The following ST6GALNAC3 variants were observed in gnomAD, a reference collection of about 807,000 sequenced individuals.
ST6GALNAC3 encodes alpha-N-acetylgalactosaminide alpha-2,6-sialyltransferase 3.
Under a neutral mutation model 32.7 loss-of-function variants are expected in ST6GALNAC3, and 25 were observed. That is an observed-to-expected ratio of 0.76 (90% CI 0.56 to 1.07). The LOEUF is 1.07. ST6GALNAC3 is among the 50% of genes least tolerant of loss of function. The pLI, the probability that ST6GALNAC3 is intolerant of heterozygous loss-of-function variation, is 0.00. For missense variants in ST6GALNAC3, 355 were observed against 382.4 expected (o/e 0.93, Z 0.60); for synonymous variants, 129 against 133.1 (o/e 0.97, Z 0.21).
intron 3 of ST6GALNAC3, 103 bp downstream of exon 3, chr1:76,412,520 G>T: frequency 1.6e-6 from 2 of 1,220,736 alleles, no homozygotes; most frequent in African/African-American, 1.5e-5. Context: ...ATTTATTTAC[G>T]CTGATTGTTA....
intron 3 of ST6GALNAC3, among the ~76,000 whole-genome samples, chr1:76,558,445 T>C (rs1264385439): frequency 6.6e-6 from 1 of 152,162 alleles, no homozygotes; most frequent in Admixed American, 6.6e-5. Context: ...TGCAGCAACA[T>C]GGATGCAGCT....
intron 1 of ST6GALNAC3, among the ~76,000 whole-genome samples, chr1:76,300,732 A>G (rs1015910262): frequency 6.6e-6 from 1 of 152,058 alleles, no homozygotes; most frequent in African/African-American, 2.4e-5. Flanking sequence ...AAGGTGGGAT[A>G]TGGTTTGCTG....
At chr1:76,172,470 A>G (rs1369194633) in intron 1 of ST6GALNAC3, among the ~76,000 whole-genome samples, 2 of 152,172 alleles carry the variant, frequency 1.3e-5, no homozygotes, top group Non-Finnish European at 2.9e-5. Flanking sequence ...TCACCATAGT[A>G]TTGGAAGTTC....
At chr1:76,438,118 A>G (rs1022619218) in intron 3 of ST6GALNAC3, among the ~76,000 whole-genome samples, 2 of 151,878 alleles carry the variant, frequency 1.3e-5, no homozygotes, top group African/African-American at 4.8e-5. Context: ...CATTTTTTAA[A>G]TGAAATGAGA....
chr1:76,182,547 G>T (rs1181628821), intron 1 of ST6GALNAC3, among the ~76,000 whole-genome samples: 1 of 152,078 alleles, frequency 6.6e-6, no homozygotes, highest in Non-Finnish European at 1.5e-5. Flanking sequence ...GTTGTGGGGG[G>T]TATCCTCTGG....
chr1:76,286,596 TG>T (rs1175968467), intron 1 of ST6GALNAC3, among the ~76,000 whole-genome samples: 5 of 152,256 alleles, frequency 3.3e-5, no homozygotes, highest in African/African-American at 4.8e-5. Flanking sequence ...CCCTTGACCT[TG>T]GGCAACCTTC....
intron 2 of ST6GALNAC3, among the ~76,000 whole-genome samples, chr1:76,318,072 T>TA (rs905321988): frequency 1.5e-4 from 23 of 151,826 alleles, no homozygotes; most frequent in Non-Finnish European, 4.4e-5. Context: ...CTGTTTTTTT[T>TA]AAAAAAAATA....
At chr1:76,092,500 C>T (rs992172903) in intron 1 of ST6GALNAC3, among the ~76,000 whole-genome samples, 1 of 152,036 alleles carries the variant, frequency 6.6e-6, no homozygotes, top group Non-Finnish European at 1.5e-5. Context: ...ATGGGAGTTT[C>T]TAATCTAATC....
rs75917984 is a variant in ST6GALNAC3 at position 76,148,514 on chromosome 1, T to G, written c.18+73630T>G. Among the ~76,000 whole-genome samples the G allele has an allele frequency of 5.7e-4, 87 of 152,344 alleles. 3 individuals carry two copies. The East Asian group carries it at 0.016, about 28-fold the overall frequency. On this transcript the variant is annotated intron_variant, in intron 1 of 4. Transcript: ENST00000328299. ...GATATCTTTATTTATTTTTCTTTAT[T>G]ATTTGCTTCCTCTCCCTTCCCTCCA...
chr1:76,322,910 G>A (rs560392139), intron 2 of ST6GALNAC3, among the ~76,000 whole-genome samples: 2 of 152,036 alleles, frequency 1.3e-5, no homozygotes, highest in African/African-American at 2.4e-5. Flanking sequence ...GCACGATCTC[G>A]GCTCACTGCA....
intron 1 of ST6GALNAC3, among the ~76,000 whole-genome samples, chr1:76,225,092 T>C (rs1655992148): frequency 6.6e-6 from 1 of 152,094 alleles, no homozygotes; most frequent in South Asian, 2.1e-4. Context: ...CTTTTTTTTT[T>C]CTGTCCACTG....
chr1:76,245,849 A>C (rs1179248747), intron 1 of ST6GALNAC3, among the ~76,000 whole-genome samples: 1 of 152,180 alleles, frequency 6.6e-6, no homozygotes, highest in African/African-American at 2.4e-5. Flanking sequence ...TTTTAGAATA[A>C]GTGCCATGTG....
intron 3 of ST6GALNAC3, among the ~76,000 whole-genome samples, chr1:76,522,597 CTT>C (rs1292443374): frequency 1.3e-5 from 2 of 152,148 alleles, no homozygotes; most frequent in African/African-American, 4.8e-5. Flanking sequence ...AGACATAACA[CTT>C]TTTATTTCTA....
At chr1:76,515,851 A>ATT (rs1420576634) in intron 3 of ST6GALNAC3, among the ~76,000 whole-genome samples, 2 of 152,008 alleles carry the variant, frequency 1.3e-5, no homozygotes, top group Admixed American at 1.3e-4. Flanking sequence ...TGGATGTTCT[A>ATT]TTTTCAGTTG....
intron 3 of ST6GALNAC3, among the ~76,000 whole-genome samples, chr1:76,582,329 A>G (rs538289880): frequency 1.3e-5 from 2 of 152,280 alleles, no homozygotes; most frequent in Admixed American, 1.3e-4. Context: ...TGGATTTATA[A>G]CAACTTGGTG....
At chr1:76,564,993 C>A (rs1447793456) in intron 3 of ST6GALNAC3, among the ~76,000 whole-genome samples, 1 of 152,162 alleles carries the variant, frequency 6.6e-6, no homozygotes, top group Non-Finnish European at 1.5e-5. Flanking sequence ...TGCTCCCCTG[C>A]AAGAAAATTC....
intron 3 of ST6GALNAC3, among the ~76,000 whole-genome samples, chr1:76,583,013 A>C (rs1474577604): frequency 6.6e-6 from 1 of 152,210 alleles, no homozygotes; most frequent in Non-Finnish European, 1.5e-5. Context: ...CAAAAGAATT[A>C]TCTATAGAAC....
chr1:76,513,127 T>G (rs1661971043), intron 3 of ST6GALNAC3, among the ~76,000 whole-genome samples: 1 of 152,186 alleles, frequency 6.6e-6, no homozygotes. Flanking sequence ...GCAAAACCTT[T>G]TAAGTTTGAC....
intron 3 of ST6GALNAC3, among the ~76,000 whole-genome samples, chr1:76,579,595 A>G (rs1446513872): frequency 6.6e-6 from 1 of 152,018 alleles, no homozygotes; most frequent in Admixed American, 6.6e-5. Flanking sequence ...GACTTTTTAA[A>G]ACATATGGGT....
Sources: allele counts gnomAD v4.1 joint callset (sites outside exome capture counted in the v4.1 genomes callset), GRCh38; gene constraint gnomAD v4.1.1; transcripts MANE v1.5; gene names NCBI Gene and HGNC (gene_info 2026-07-23, HGNC 2026-07-21).